FGF14: variants seen among roughly 807,000 people sequenced by gnomAD.
FGF14 encodes the protein fibroblast growth factor 14.
FGF14 carries 5 observed loss-of-function variants against 25.5 expected under a neutral mutation model. The ratio of observed to expected loss-of-function variants is 0.20; its 90% CI spans 0.10 to 0.41. The LOEUF (loss-of-function observed/expected upper bound fraction) is 0.41, where lower values mean the gene tolerates loss of function less well. FGF14 is among the 10% of genes least tolerant of loss of function. FGF14 has a pLI of 1.00. For synonymous variants in FGF14, 138 were observed against 118.3 expected, an observed-to-expected ratio of 1.17 and a Z score of -1.08; for missense variants, 222 against 320.1, an observed-to-expected ratio of 0.69 and a Z score of 2.34.
At chr13:102,081,463 T>C (rs1464888840) in intron 1 of FGF14, among the ~76,000 whole-genome samples, 1 of 152,198 alleles carries the variant, frequency 6.6e-6, no homozygotes, top group Non-Finnish European at 1.5e-5. Flanking sequence ...TTGTGATGTT[T>C]TGCTCACGGC....
intron 1 of FGF14, among the ~76,000 whole-genome samples, chr13:102,278,437 G>T (rs1272480088): frequency 2.6e-5 from 4 of 152,024 alleles, no homozygotes; most frequent in Non-Finnish European, 5.9e-5. Context: ...TCCTGAAGTT[G>T]GTCTTTTATA....
chr13:102,005,983 C>T (rs894193923), intron 1 of FGF14, among the ~76,000 whole-genome samples: 1 of 152,192 alleles, frequency 6.6e-6, no homozygotes, highest in African/African-American at 2.4e-5. Flanking sequence ...ACAACCACCA[C>T]TCTTACTTAT....
At chr13:101,842,715 G>A (rs1048158428) in intron 3 of FGF14, among the ~76,000 whole-genome samples, 11 of 151,990 alleles carry the variant, frequency 7.2e-5, no homozygotes, top group Admixed American at 3.9e-4. Context: ...AGCATGACTC[G>A]GAGAGCAAGG....
At chr13:101,728,732 C>A (rs1250067355) in intron 3 of FGF14, among the ~76,000 whole-genome samples, 1 of 152,124 alleles carries the variant, frequency 6.6e-6, no homozygotes, top group Non-Finnish European at 1.5e-5. Flanking sequence ...CTATGAGTGA[C>A]ATGCTGAGAG....
chr13:101,965,071 CT>C (rs2037101918), intron 1 of FGF14, among the ~76,000 whole-genome samples: 1 of 151,954 alleles, frequency 6.6e-6, no homozygotes. Flanking sequence ...GGGAGACCCC[CT>C]TGTCTACTAA....
intron 1 of FGF14, among the ~76,000 whole-genome samples, chr13:102,228,393 A>G (rs2050922842): frequency 6.6e-6 from 1 of 152,202 alleles, no homozygotes; most frequent in Non-Finnish European, 1.5e-5. Context: ...CTAACACTGA[A>G]GGTGCCCTCT....
chr13:102,273,194 C>T (rs9557847), intron 1 of FGF14, among the ~76,000 whole-genome samples: 18,675 of 152,200 alleles, frequency 0.12, 1,463 homozygotes, highest in East Asian at 0.38. Context: ...GGTTCAAGCC[C>T]GTGCTGAGTA....
At chr13:102,062,335 G>A (rs932696308) in intron 1 of FGF14, among the ~76,000 whole-genome samples, 11 of 151,838 alleles carry the variant, frequency 7.2e-5, no homozygotes, top group Admixed American at 3.9e-4. Context: ...AGACTAAAAT[G>A]TAATATATGA....
chr13:101,866,266 A>T (rs1001377468), intron 3 of FGF14, among the ~76,000 whole-genome samples: 7 of 152,126 alleles, frequency 4.6e-5, no homozygotes, highest in African/African-American at 1.7e-4. Context: ...ATTACATCAT[A>T]ATGTGTTTAT....
intron 1 of FGF14, among the ~76,000 whole-genome samples, chr13:102,115,910 A>C (rs916112042): frequency 5.3e-5 from 8 of 152,150 alleles, no homozygotes; most frequent in Non-Finnish European, 1.2e-4. Context: ...CCGGGAGTTC[A>C]AGACCAGCTG....
intron 1 of FGF14, among the ~76,000 whole-genome samples, chr13:102,374,746 A>G (rs2057997203): frequency 7.2e-6 from 1 of 139,528 alleles, no homozygotes; most frequent in Non-Finnish European, 1.6e-5. Flanking sequence ...AACATTCACC[A>G]AAAGGAATTA....
intron 1 of FGF14, among the ~76,000 whole-genome samples, chr13:102,168,274 T>A (rs970826010): frequency 2.6e-5 from 4 of 152,124 alleles, no homozygotes; most frequent in African/African-American, 7.2e-5. Flanking sequence ...AGACGTCAGA[T>A]CCTCAGCGCC....
chr13:101,926,472 T>G (rs951122261), intron 1 of FGF14, among the ~76,000 whole-genome samples: 20 of 152,192 alleles, frequency 1.3e-4, no homozygotes, highest in Non-Finnish European at 2.9e-5. Context: ...CCTGAATTTC[T>G]TATAACTTTA....
intron 1 of FGF14, among the ~76,000 whole-genome samples, chr13:102,217,295 G>C (rs1435726478): frequency 6.6e-6 from 1 of 152,130 alleles, no homozygotes; most frequent in Non-Finnish European, 1.5e-5. Flanking sequence ...GATACTCTGG[G>C]AGTAAAAAAA....
intron 3 of FGF14, among the ~76,000 whole-genome samples, chr13:101,820,821 A>C (rs936700359): frequency 1.0e-5 from 1 of 100,456 alleles, no homozygotes; most frequent in Non-Finnish European, 2.5e-5. Context: ...ACACACACAC[A>C]CCACACACAC....
At chr13:102,396,520 C>G (rs569220706) in intron 1 of FGF14, among the ~76,000 whole-genome samples, 2 of 152,304 alleles carry the variant, frequency 1.3e-5, no homozygotes, top group African/African-American at 4.8e-5. Flanking sequence ...AAAAACACTT[C>G]ACAAAAGTCT....
intron 1 of FGF14, among the ~76,000 whole-genome samples, chr13:102,149,564 G>A (rs1171304073): frequency 6.6e-6 from 1 of 152,210 alleles, no homozygotes; most frequent in Non-Finnish European, 1.5e-5. Flanking sequence ...GACTCAAAGT[G>A]CAACCTCATG....
At chr13:102,124,611 G>A (rs2045874806) in intron 1 of FGF14, among the ~76,000 whole-genome samples, 1 of 152,062 alleles carries the variant, frequency 6.6e-6, no homozygotes, top group African/African-American at 2.4e-5. Context: ...GAAATGTACT[G>A]TACAGGCATG....
intron 3 of FGF14, among the ~76,000 whole-genome samples, chr13:101,743,413 AG>A (rs1459146435): frequency 6.6e-6 from 1 of 152,168 alleles, no homozygotes; most frequent in Non-Finnish European, 1.5e-5. Context: ...GGAAAATTTA[AG>A]GCTTTTTAAT....
Sources: allele counts gnomAD v4.1 joint callset (sites outside exome capture counted in the v4.1 genomes callset), GRCh38; gene constraint gnomAD v4.1.1; transcripts MANE v1.5; gene names NCBI Gene and HGNC (gene_info 2026-07-23, HGNC 2026-07-21).